The following TTC7A variants were observed in gnomAD, a reference collection of about 807,000 sequenced individuals.
TTC7A encodes tetratricopeptide repeat domain 7A.
In TTC7A, 110 loss-of-function variants were observed where a neutral mutation model predicts 103.7. The observed-to-expected ratio is 1.06, with a 90% CI of 0.91 to 1.24. TTC7A has a LOEUF of 1.24. Ranked by LOEUF, TTC7A falls within the 50% of genes most tolerant of loss-of-function variation. TTC7A has a pLI of 0.00. For synonymous variants in TTC7A, 521 were observed against 467.9 expected (o/e 1.11, Z -1.47); for missense variants, 1,340 against 1,116.3 (o/e 1.20, Z -2.86).
chr2:47,025,155 G>A (rs1376888963), intron 14 of TTC7A, among the ~76,000 whole-genome samples: 1 of 152,210 alleles, frequency 6.6e-6, no homozygotes, highest in Non-Finnish European at 1.5e-5. Flanking sequence ...TGAGCTCCAG[G>A]CCGGCGGAGG....
chr2:47,056,721 G>C (rs764151720), intron 18 of TTC7A, among the ~76,000 whole-genome samples: 1 of 152,202 alleles, frequency 6.6e-6, no homozygotes, highest in African/African-American at 2.4e-5. Context: ...GAGGAGAGGG[G>C]GTGGAGAGAG....
At chr2:46,966,567 C>T (rs1220698082) in intron 3 of TTC7A, among the ~76,000 whole-genome samples, 2 of 150,286 alleles carry the variant, frequency 1.3e-5, no homozygotes, top group African/African-American at 2.4e-5. Flanking sequence ...TGTGAAGTCC[C>T]GTCATTGGAC....
At chr2:46,956,557 T>A (rs1374693153) in intron 2 of TTC7A, 1 of 394,706 alleles carries the variant, frequency 2.5e-6, no homozygotes, top group African/African-American at 2.0e-5. Flanking sequence ...AGACAGGGCC[T>A]AGTCTGCAAG....
chr2:47,013,855 G>A (rs917247515), intron 11 of TTC7A, among the ~76,000 whole-genome samples: 11 of 152,190 alleles, frequency 7.2e-5, no homozygotes, highest in Non-Finnish European at 4.4e-5. Context: ...CAGCTGAGCA[G>A]CATATTTGGG....
chr2:47,051,767 T>G lies in TTC7A; in HGVS notation c.2039T>G (p.Ile680Ser). 1 of 1,610,768 alleles carries G rather than the reference T, an allele frequency of 6.2e-7. No homozygotes were observed. The highest frequency in any genetic ancestry group is 8.5e-7 in the Non-Finnish European group (1 of 1,179,480). Residue 680 changes from isoleucine to serine, a missense_variant, in exon 18 of 20, where the codon ATC becomes AGC. Ile to Ser is a moderately radical substitution (Grantham distance 142). Coordinates refer to ENST00000319190, the MANE Select transcript of TTC7A (RefSeq NM_020458.4). ...ADSGSRRASS[I>S]AASRLEEAMS... ...GCAGGCTCCCGGCGGGCTTCGTCCATCGCCGCCTCCCGGCTGGAGGAGGCC... is the reference window on the plus strand; with the variant it reads ...GCAGGCTCCCGGCGGGCTTCGTCCAGCGCCGCCTCCCGGCTGGAGGAGGCC...
intron 11 of TTC7A, among the ~76,000 whole-genome samples, chr2:47,020,615 G>T (rs965738105): frequency 6.6e-6 from 1 of 152,236 alleles, no homozygotes; most frequent in African/African-American, 2.4e-5. Context: ...CAGCTGAGTC[G>T]GGCATGGTGG....
intron 8 of TTC7A, among the ~76,000 whole-genome samples, chr2:47,005,569 A>G: frequency 6.6e-6 from 1 of 152,200 alleles, no homozygotes; most frequent in South Asian, 2.1e-4. Flanking sequence ...ATCCTGGACA[A>G]TAATAGTTAT....
chr2:47,017,814 A>G (rs1678834266), intron 11 of TTC7A, among the ~76,000 whole-genome samples: 1 of 152,128 alleles, frequency 6.6e-6, no homozygotes, highest in African/African-American at 2.4e-5. Context: ...CCACTTCCCA[A>G]TTTGTCATGT....
intron 11 of TTC7A, among the ~76,000 whole-genome samples, chr2:47,021,203 C>T (rs930269565): frequency 1.3e-5 from 2 of 152,192 alleles, no homozygotes; most frequent in Admixed American, 1.3e-4. Flanking sequence ...GGCATGTGTG[C>T]CATGAGTGGG....
intron 2 of TTC7A, among the ~76,000 whole-genome samples, chr2:46,956,333 G>A (rs2278449): frequency 0.7 from 106,603 of 152,018 alleles, 37,667 homozygotes; most frequent in Middle Eastern, 0.76. Flanking sequence ...GTAGGGGGAG[G>A]CATAAGCTTT....
intron 10 of TTC7A, 106 bp downstream of exon 10, chr2:47,006,830 C>A: frequency 1.1e-6 from 1 of 926,566 alleles, no homozygotes; most frequent in Non-Finnish European, 1.7e-6. Context: ...TATTATCCTG[C>A]CGCTGGTTTG....
intron 14 of TTC7A, among the ~76,000 whole-genome samples, chr2:47,027,880 A>C (rs1680087388): frequency 6.6e-6 from 1 of 151,962 alleles, no homozygotes; most frequent in Non-Finnish European, 1.5e-5. Context: ...GCCTCTTTTG[A>C]AGAAGAGAGT....
rs1467023514 is a variant in TTC7A, at chr2:47,053,271, G to A, written c.2152+1391G>A. Among the ~76,000 whole-genome samples, 4 of 152,142 alleles carry A rather than the reference G, an allele frequency of 2.6e-5. No individual in the cohort carries two copies. The East Asian group carries it at 5.8e-4, about 22-fold the overall frequency. ...CCAGAGGAATAATAAACAAGGCCTCGCCTTAGGCAAAGGTTCCCGTCGTCT... is the reference window on the plus strand; with the variant it reads ...CCAGAGGAATAATAAACAAGGCCTCACCTTAGGCAAAGGTTCCCGTCGTCT... On this transcript the variant is annotated intron_variant, in intron 18 of 19. Transcript: ENST00000319190.
intron 1 of TTC7A, among the ~76,000 whole-genome samples, chr2:46,949,980 T>G (rs1263364877): frequency 6.6e-6 from 1 of 152,226 alleles, no homozygotes; most frequent in Non-Finnish European, 1.5e-5. Context: ...TTCATGTATT[T>G]TTTCTCTTCA....
At chr2:46,935,111 G>T (rs1216728069) in intron 2 of TTC7A, among the ~76,000 whole-genome samples, 3 of 152,042 alleles carry the variant, frequency 2.0e-5, no homozygotes, top group Non-Finnish European at 4.4e-5. Context: ...AAGACTACTG[G>T]TCTTTAAGGC....
chr2:46,967,461 A>G (rs1017470143), intron 3 of TTC7A, among the ~76,000 whole-genome samples: 3 of 152,070 alleles, frequency 2.0e-5, no homozygotes, highest in Non-Finnish European at 2.9e-5. Flanking sequence ...TTCTGTTTTT[A>G]TGAATTTGAT....
intron 8 of TTC7A, among the ~76,000 whole-genome samples, chr2:46,997,595 G>A (rs1365804405): frequency 6.6e-6 from 1 of 151,814 alleles, no homozygotes; most frequent in Admixed American, 6.6e-5. Flanking sequence ...GCCATGACTC[G>A]AACATGTCCT....
chr2:46,983,539 G>T (rs942638169), intron 5 of TTC7A, among the ~76,000 whole-genome samples: 1 of 152,220 alleles, frequency 6.6e-6, no homozygotes, highest in Non-Finnish European at 1.5e-5. Flanking sequence ...CCTCAGCTGT[G>T]CCTGCAGAGC....
chr2:47,002,102 C>A (rs925670080), intron 8 of TTC7A, among the ~76,000 whole-genome samples: 1 of 152,160 alleles, frequency 6.6e-6, no homozygotes, highest in Non-Finnish European at 1.5e-5. Flanking sequence ...CCTCTTCTGA[C>A]CTGCCAGAAG....
Sources: allele counts gnomAD v4.1 joint callset (sites outside exome capture counted in the v4.1 genomes callset), GRCh38; gene constraint gnomAD v4.1.1; transcripts MANE v1.5; gene names NCBI Gene and HGNC (gene_info 2026-07-23, HGNC 2026-07-21).